The following USH2A variants were observed in gnomAD, a reference collection of about 807,000 sequenced individuals.
The protein encoded by USH2A is usherin.
A neutral mutation model predicts 538.9 loss-of-function variants in USH2A; 443 were observed. The observed-to-expected ratio is 0.82, with a 90% confidence interval of 0.76 to 0.89. The LOEUF (loss-of-function observed/expected upper bound fraction) is 0.89, where lower values mean the gene tolerates loss of function less well. USH2A is among the 40% of genes least tolerant of loss of function. The pLI is 0.00. For synonymous variants in USH2A, 2,413 were observed against 2,273.5 expected (o/e 1.06, Z -1.75); for missense variants, 6,633 against 6,324.8 (o/e 1.05, Z -1.65).
At chr1:216,295,369 A>C (rs1206919026) in intron 9 of USH2A, among the ~76,000 whole-genome samples, 2 of 151,830 alleles carry the variant, frequency 1.3e-5, no homozygotes, top group African/African-American at 4.8e-5. Flanking sequence ...CCAAGTAAAA[A>C]AAAATTTAGG....
intron 20 of USH2A, among the ~76,000 whole-genome samples, chr1:216,181,505 A>G (rs1044369694): frequency 1.6e-4 from 24 of 152,120 alleles, no homozygotes; most frequent in Admixed American, 1.3e-4. Context: ...CCCTGCTTTT[A>G]GAGAAGTTCA....
chr1:215,634,500 T>C lies in USH2A; in HGVS notation c.15256A>G (p.Met5086Val). 1 of 1,614,218 alleles carries C rather than the reference T, an allele frequency of 6.2e-7. No individual in the cohort carries two copies. The highest frequency in any genetic ancestry group is 1.1e-5 in the South Asian group (1 of 91,088). ...GGTGGGTAAACATTCAATGGAGACA[T>C]CCTCTTCTGAAGAGGTACCAAGGGA... ...RPPLVPLQKR[M>V]SPLNVYPPGE... Residue 5086 changes from methionine (M) to valine (V), a missense_variant, in exon 70 of 72, where the codon ATG (methionine) becomes GTG (valine). Met to Val is a conservative substitution (Grantham distance 21). Transcript: ENST00000307340.
chr1:216,186,152 A>G (rs1322464014), intron 20 of USH2A, among the ~76,000 whole-genome samples: 2 of 151,824 alleles, frequency 1.3e-5, no homozygotes, highest in Non-Finnish European at 2.9e-5. Context: ...AAAGGATTTT[A>G]TATGGAAACA....
chr1:215,949,517 G>T (rs935087866), intron 37 of USH2A, among the ~76,000 whole-genome samples: 2 of 151,942 alleles, frequency 1.3e-5, no homozygotes, highest in Non-Finnish European at 1.5e-5. Flanking sequence ...TTACCCATAA[G>T]ATACAAATGT....
intron 58 of USH2A, among the ~76,000 whole-genome samples, chr1:215,756,026 G>A (rs1348033605): frequency 6.6e-6 from 1 of 152,030 alleles, no homozygotes; most frequent in Non-Finnish European, 1.5e-5. Flanking sequence ...GAACAAATAC[G>A]TTTTAAAAAT....
Position 216,325,475 on chromosome 1 carries a change from C to G in USH2A, c.973G>C (p.Gly325Arg). 6.2e-7 allele frequency: 1 copy of G among 1,613,886 alleles called. No individual in the cohort carries two copies. The highest frequency in any genetic ancestry group is 8.5e-7 in the Non-Finnish European group (1 of 1,179,908). ...GACACTCTATTATCAGCTGTGTCTC[C>G]TGCATCATTAGGAATGCAGTACCGC... ...AQRYCIPNDA[G>R]DTADNRVSRL... The change falls in exon 6 of 72, where the codon GGA becomes CGA. Residue 325 changes from glycine to arginine, a missense_variant. Gly to Arg is a moderately radical substitution (Grantham distance 125, BLOSUM62 -2). Coordinates refer to ENST00000307340, the MANE Select transcript of USH2A (RefSeq NM_206933.4).
At position 215,674,677 on chromosome 1, in the gene USH2A, G is replaced by A; in HGVS notation, c.13234C>T (p.Gln4412Ter). 6.2e-7 allele frequency: 1 copy of A among 1,614,138 alleles called. No individual in the cohort carries two copies. The highest frequency in any genetic ancestry group is 8.5e-7 in the Non-Finnish European group (1 of 1,180,016). Residue 4412 changes from glutamine (Q) to a stop codon, truncating the protein, a stop_gained, in exon 63 of 72, where the codon CAG becomes TAG. Transcript: ENST00000307340. LOFTEE classifies it high-confidence loss of function. The part of the protein sequence containing the change: ...QGLCLLVSHL[Q>*]PYSQYNFSLV... ...GAGAAGTTATACTGAGAGTAAGGCT[G>A]CAGGTGGGAAACCAGCAGGCACAGG...
At chr1:216,240,329 G>A (rs533504855) in intron 13 of USH2A, among the ~76,000 whole-genome samples, 2 of 152,258 alleles carry the variant, frequency 1.3e-5, no homozygotes, top group African/African-American at 2.4e-5. Flanking sequence ...TTATGTGAAA[G>A]GTTGCTTGTG....
At chr1:215,629,276 G>T (rs1656179166) in intron 70 of USH2A, among the ~76,000 whole-genome samples, 1 of 152,150 alleles carries the variant, frequency 6.6e-6, no homozygotes, top group Admixed American at 6.5e-5. Context: ...CAAGTTAGGT[G>T]GCCAGTGTTT....
Position 215,965,442 on chromosome 1 carries a change from G to A in USH2A, c.6995C>T (p.Thr2332Ile), listed in dbSNP as rs780150938. Residue 2332 changes from threonine (T) to isoleucine (I), a missense_variant, in exon 37 of 72, where the codon ACA (threonine) becomes ATA (isoleucine). Coordinates refer to ENST00000307340, the MANE Select transcript of USH2A (RefSeq NM_206933.4). ...CTGTGTTTTGACAAACACATTTACT[G>A]TTCCTTCAGGAGGAGCTTCTAGAGT... is the stretch of plus-strand genomic sequence containing the variant. ...NRTLEAPPEG[T>I]VNVFVKTQGS... is the part of the protein sequence containing the mutation. The A allele has an allele frequency of 1.2e-6, 2 of 1,613,558 alleles. No individual in the cohort carries two copies. Among genetic ancestry groups the A allele is most frequent in the Non-Finnish European group, 1.7e-6 (2 of 1,179,744 alleles).
chr1:216,179,465 T>C (rs2034451269), intron 20 of USH2A, among the ~76,000 whole-genome samples: 1 of 152,106 alleles, frequency 6.6e-6, no homozygotes. Flanking sequence ...AGTCAATTCC[T>C]GAGAATGAAT....
intron 69 of USH2A, among the ~76,000 whole-genome samples, chr1:215,636,466 C>T (rs868157445): frequency 1.3e-5 from 2 of 152,204 alleles, no homozygotes; most frequent in African/African-American, 2.4e-5. Flanking sequence ...TCCAGCAGGT[C>T]GAAATTCCCC....
rs556772160 is a variant in USH2A, at chr1:215,663,456, A to G, written c.14133+7516T>C. 2.6e-5 allele frequency among the ~76,000 whole-genome samples: 4 copies of G among 152,334 alleles called. No homozygotes were observed. The South Asian group carries it at 8.3e-4, about 32-fold the overall frequency. On this transcript the variant is annotated intron_variant, in intron 64 of 71. Coordinates refer to ENST00000307340, the MANE Select transcript of USH2A (RefSeq NM_206933.4). ...AAAACAGGAAGGGTGTGAGCATCCA[A>G]TGTGAAAGAGCACAAGGATTGTCAA...
At chr1:215,780,734 G>A (rs979911735) in intron 54 of USH2A, among the ~76,000 whole-genome samples, 2 of 152,200 alleles carry the variant, frequency 1.3e-5, no homozygotes, top group African/African-American at 4.8e-5. Flanking sequence ...AAAAAGCATG[G>A]AATTGTTCTA....
At chr1:216,043,841 A>G (rs891154785) in intron 32 of USH2A, among the ~76,000 whole-genome samples, 2 of 152,042 alleles carry the variant, frequency 1.3e-5, no homozygotes, top group African/African-American at 4.8e-5. Context: ...TTCCCTGTGG[A>G]CTGATGCAGC....
chr1:215,988,765 T>C (rs954476488), intron 35 of USH2A, among the ~76,000 whole-genome samples: 1 of 152,214 alleles, frequency 6.6e-6, no homozygotes, highest in Non-Finnish European at 1.5e-5. Flanking sequence ...GCTGGTACAC[T>C]GCTGAACAAA....
chr1:216,245,645 T>A (rs1347780647), intron 13 of USH2A, among the ~76,000 whole-genome samples: 1 of 152,108 alleles, frequency 6.6e-6, no homozygotes, highest in East Asian at 1.9e-4. Context: ...CCAGTTCAAG[T>A]TGTTTTTTAA....
chr1:215,687,622 T>C (rs1432160474), intron 61 of USH2A, among the ~76,000 whole-genome samples: 3 of 152,118 alleles, frequency 2.0e-5, no homozygotes, highest in Non-Finnish European at 4.4e-5. Context: ...TTTGTGATAA[T>C]TAAATTTTAA....
chr1:216,093,829 A>C (rs1341511689), intron 22 of USH2A, among the ~76,000 whole-genome samples: 1 of 152,176 alleles, frequency 6.6e-6, no homozygotes, highest in Non-Finnish European at 1.5e-5. Flanking sequence ...AAGTCCAATA[A>C]ATTCTTAGCA....
Sources: allele counts gnomAD v4.1 joint callset (sites outside exome capture counted in the v4.1 genomes callset), GRCh38; gene constraint gnomAD v4.1.1; transcripts MANE v1.5; gene names NCBI Gene and HGNC (gene_info 2026-07-23, HGNC 2026-07-21).